MEGF10: variants seen among roughly 807,000 people sequenced by gnomAD.
The protein encoded by MEGF10 is multiple epidermal growth factor-like domains protein 10.
A neutral mutation model predicts 147.5 loss-of-function variants in MEGF10; 86 were observed. That is an observed-to-expected ratio of 0.58 (90% CI 0.49 to 0.70). The LOEUF (loss-of-function observed/expected upper bound fraction) is 0.70. Ranked by LOEUF, MEGF10 falls within the 30% of genes least tolerant of loss-of-function variation. MEGF10 has a pLI of 0.00. For missense variants in MEGF10, 1,329 were observed against 1,487.3 expected (o/e 0.89, Z 1.75); for synonymous variants, 478 against 525.5 (o/e 0.91, Z 1.24).
the MEGF10 span, among the ~76,000 whole-genome samples, chr5:127,260,692 AACT>A: frequency 9.9e-5 from 15 of 152,196 alleles, no homozygotes; most frequent in Admixed American, 5.9e-4. Flanking sequence ...CTCTGAGTAA[AACT>A]ACCAATCAGA....
the MEGF10 span, among the ~76,000 whole-genome samples, chr5:127,232,426 T>C: frequency 6.6e-6 from 1 of 152,208 alleles, no homozygotes; most frequent in Non-Finnish European, 1.5e-5. Flanking sequence ...AATCCTGTGA[T>C]CCCTGAGCAT....
the MEGF10 span, among the ~76,000 whole-genome samples, chr5:127,235,721 A>G: frequency 6.6e-6 from 1 of 152,248 alleles, no homozygotes; most frequent in Admixed American, 6.5e-5. Flanking sequence ...TGTCTCCTGC[A>G]TGGAAATCTG....
At chr5:127,370,260 A>G (rs1762803062) in intron 5 of MEGF10, among the ~76,000 whole-genome samples, 1 of 152,238 alleles carries the variant, frequency 6.6e-6, no homozygotes, top group Non-Finnish European at 1.5e-5. Flanking sequence ...TTCTGTGGAT[A>G]TGAATGCATT....
At chr5:127,418,937 G>C (rs1764878811) in intron 10 of MEGF10, among the ~76,000 whole-genome samples, 183 bp from the exon 11 acceptor site, 1 of 152,204 alleles carries the variant, frequency 6.6e-6, no homozygotes, top group Non-Finnish European at 1.5e-5. Context: ...AGACCAGCTA[G>C]TGTTGCCCTT....
intron 4 of MEGF10, among the ~76,000 whole-genome samples, chr5:127,352,912 C>A (rs1055203466): frequency 6.6e-6 from 1 of 152,128 alleles, no homozygotes; most frequent in African/African-American, 2.4e-5. Context: ...CATGGATGTG[C>A]CCAGCAGCAG....
chr5:127,396,222 C>T (rs1763904886), intron 5 of MEGF10, among the ~76,000 whole-genome samples: 1 of 152,218 alleles, frequency 6.6e-6, no homozygotes, highest in Non-Finnish European at 1.5e-5. Flanking sequence ...CTTCCCCTAG[C>T]CCACTTCTCT....
chr5:127,396,800 A>G, intron 6 of MEGF10, 22 bp downstream of exon 6: 1 of 1,598,712 alleles, frequency 6.3e-7, no homozygotes, highest in East Asian at 2.2e-5. Flanking sequence ...GCTGCCCAGC[A>G]GCAGAGCAGA....
At chr5:127,436,210 A>T (rs970882032) in intron 16 of MEGF10, among the ~76,000 whole-genome samples, 11 of 152,230 alleles carry the variant, frequency 7.2e-5, no homozygotes, top group African/African-American at 2.7e-4. Flanking sequence ...ACATAAGAGA[A>T]ATCAAAGAAT....
At chr5:127,382,270 G>T (rs1384600068) in intron 5 of MEGF10, among the ~76,000 whole-genome samples, 1 of 152,166 alleles carries the variant, frequency 6.6e-6, no homozygotes, top group Non-Finnish European at 1.5e-5. Context: ...ATTTGTCCTA[G>T]TTATATAGAC....
chr5:127,265,121 A>C, the MEGF10 span, among the ~76,000 whole-genome samples: 1 of 151,834 alleles, frequency 6.6e-6, no homozygotes, highest in Admixed American at 6.6e-5. Flanking sequence ...CTTGTGTCCA[A>C]GTGTTCTCAT....
chr5:127,268,872 T>G, the MEGF10 span, among the ~76,000 whole-genome samples: 903 of 152,306 alleles, frequency 5.9e-3, 10 homozygotes, highest in African/African-American at 0.021. Context: ...CTCAGCCAGG[T>G]ACCCCTTTGA....
At chr5:127,268,907 A>T in the MEGF10 span, among the ~76,000 whole-genome samples, 1 of 152,238 alleles carries the variant, frequency 6.6e-6, no homozygotes, top group Admixed American at 6.5e-5. Flanking sequence ...AGGAACGATC[A>T]GGCAGCAACA....
chr5:127,372,046 T>C (rs1232075438), intron 5 of MEGF10, among the ~76,000 whole-genome samples: 2 of 152,240 alleles, frequency 1.3e-5, no homozygotes, highest in Non-Finnish European at 2.9e-5. Context: ...ATGTATCATT[T>C]TGTTCACTCT....
chr5:127,382,106 C>T (rs1763288293), intron 5 of MEGF10, among the ~76,000 whole-genome samples: 1 of 152,220 alleles, frequency 6.6e-6, no homozygotes, highest in South Asian at 2.1e-4. Flanking sequence ...AAGCTAATGA[C>T]TCTTTTTCCT....
the MEGF10 span, among the ~76,000 whole-genome samples, chr5:127,252,043 A>G: frequency 6.6e-6 from 1 of 151,998 alleles, no homozygotes; most frequent in African/African-American, 2.4e-5. Flanking sequence ...TAATCAGATA[A>G]ATGTAAATTA....
At chr5:127,240,975 A>G in the MEGF10 span, among the ~76,000 whole-genome samples, 1 of 151,970 alleles carries the variant, frequency 6.6e-6, no homozygotes, top group Non-Finnish European at 1.5e-5. Context: ...AATGCAAAAG[A>G]TTTTTTCTTC....
At chr5:127,407,754 G>T (rs920613072) in intron 8 of MEGF10, among the ~76,000 whole-genome samples, 3 of 152,182 alleles carry the variant, frequency 2.0e-5, no homozygotes, top group Admixed American at 2.0e-4. Flanking sequence ...AAGAGACCAA[G>T]AAGGAGATAA....
Position 127,460,250 on chromosome 5 carries a change from T to C in MEGF10, c.*2932T>C, listed in dbSNP as rs1766515385. On this transcript the variant is annotated 3_prime_UTR_variant, in exon 25 of 25. Transcript: ENST00000503335. ...AAAATTTATAAGTTATTTGTATTTA[T>C]ATATAAGTACATCAGAACTTGCCCA... is the stretch of plus-strand genomic sequence containing the variant. 1 of 152,222 alleles carries C rather than the reference T, an allele frequency of 6.6e-6. No individual in the cohort carries two copies. The highest frequency in any genetic ancestry group is 1.5e-5 in the Non-Finnish European group (1 of 68,022). 9.4% of individuals were successfully genotyped at this position (152,222 alleles called of 1,614,324 possible).
At chr5:127,451,751 T>C (rs539383162) in intron 22 of MEGF10, among the ~76,000 whole-genome samples, 1 of 152,318 alleles carries the variant, frequency 6.6e-6, no homozygotes, top group African/African-American at 2.4e-5. Context: ...TCATTGGAAA[T>C]TCTGGATCTT....
Sources: allele counts gnomAD v4.1 joint callset (sites outside exome capture counted in the v4.1 genomes callset), GRCh38; gene constraint gnomAD v4.1.1; transcripts MANE v1.5; gene names NCBI Gene and HGNC (gene_info 2026-07-23, HGNC 2026-07-21).